Variants in FREM1 observed in about 807,000 individuals in gnomAD.
The protein encoded by FREM1 is FRAS1 related extracellular matrix 1.
A neutral mutation model predicts 210.1 loss-of-function variants in FREM1; 220 were observed. The ratio of observed to expected loss-of-function variants is 1.05; its 90% CI spans 0.94 to 1.17. FREM1 has a LOEUF of 1.17. FREM1 is among the 50% of genes most tolerant of loss of function. FREM1 has a pLI of 0.00. For missense variants in FREM1, 3,454 were observed against 2,675.5 expected (o/e 1.29, Z -6.42); for synonymous variants, 1,189 against 980.2 (o/e 1.21, Z -3.98).
chr9:14,769,624 C>T (rs1033927008), intron 27 of FREM1, 100 bp downstream of exon 27: 190 of 1,239,918 alleles, frequency 1.5e-4, no homozygotes, highest in Non-Finnish European at 2.0e-4. Flanking sequence ...ATTAATTTAT[C>T]TTCTTGGGTT....
At chr9:14,763,110 C>T (rs1166478202) in intron 27 of FREM1, among the ~76,000 whole-genome samples, 1 of 152,158 alleles carries the variant, frequency 6.6e-6, no homozygotes, top group Non-Finnish European at 1.5e-5. Flanking sequence ...ATGTGTAACC[C>T]ATGTGGCAAT....
chr9:14,796,176 G>C (rs1458895526), intron 21 of FREM1, among the ~76,000 whole-genome samples: 3 of 152,300 alleles, frequency 2.0e-5, no homozygotes, highest in South Asian at 4.1e-4. Context: ...AGATAAGGAA[G>C]GGACTTGTTT....
chr9:14,879,521 T>C (rs547868177), intron 1 of FREM1, among the ~76,000 whole-genome samples: 1 of 152,254 alleles, frequency 6.6e-6, no homozygotes, highest in Admixed American at 6.5e-5. Flanking sequence ...TCTACAAGAA[T>C]ACATGAACAA....
intron 1 of FREM1, among the ~76,000 whole-genome samples, chr9:14,889,540 T>C (rs1449422359): frequency 6.6e-6 from 1 of 152,234 alleles, no homozygotes; most frequent in South Asian, 2.1e-4. Context: ...TGGATGGGAA[T>C]CTCAGTTCTG....
At position 14,750,238 on chromosome 9, in the gene FREM1, C is replaced by G; in HGVS notation, c.5446G>C (p.Asp1816His). 1 of 1,612,912 alleles carries G rather than the reference C, an allele frequency of 6.2e-7. No individual in the cohort carries two copies. Among genetic ancestry groups the G allele is most frequent in the South Asian group, 1.1e-5 (1 of 90,952 alleles). ...ACCTCATCATCTTCCTCTAATCCGT[C>G]ATAGGTAATTGCTATATTCCACATC... ...TKMWNIAITY[D>H]GLEEDDEVFE... The change falls in exon 30 of 37, where the codon GAC becomes CAC. Residue 1816 changes from aspartate to histidine, a missense_variant. Coordinates refer to ENST00000380880, the MANE Select transcript of FREM1 (RefSeq NM_001379081.2).
intron 27 of FREM1, among the ~76,000 whole-genome samples, chr9:14,760,489 G>C (rs915103410): frequency 1.3e-5 from 2 of 152,130 alleles, no homozygotes; most frequent in Non-Finnish European, 2.9e-5. Context: ...TATGAGGCTT[G>C]GATGCAACTA....
At chr9:14,859,555 G>A (rs998623350) in intron 3 of FREM1, 71 bp from the exon 4 acceptor site, 3 of 1,328,718 alleles carry the variant, frequency 2.3e-6, no homozygotes, top group Admixed American at 4.4e-5. Flanking sequence ...GTACTCAGCT[G>A]GAAGACTAAA....
At position 14,858,314 on chromosome 9, in the gene FREM1, C is replaced by T. The variant is rs1329292061; in HGVS notation, c.632-565G>A. On this transcript the variant is annotated intron_variant, in intron 4 of 36. Coordinates refer to ENST00000380880, the MANE Select transcript of FREM1 (RefSeq NM_001379081.2). ...TCTCCAACAGTCTTCACATCTCTAA[C>T]CAAATGTATTTCCACTCTTGTTTAG... is the stretch of plus-strand genomic sequence containing the variant. Among the ~76,000 whole-genome samples, 3 of 152,146 alleles carry T rather than the reference C, an allele frequency of 2.0e-5. No homozygotes were observed. In the East Asian group the frequency reaches 5.8e-4, roughly 29 times the overall value.
Position 14,792,734 on chromosome 9 carries a change from G to C in FREM1, c.3981+9C>G, listed in dbSNP as rs771949748. 2 of 1,577,154 alleles carry C rather than the reference G, an allele frequency of 1.3e-6. No individual in the cohort carries two copies. Among genetic ancestry groups the C allele is most frequent in the Non-Finnish European group, 1.7e-6 (2 of 1,164,760 alleles). On this transcript the variant is annotated intron_variant, in intron 22 of 36. Coordinates refer to ENST00000380880, the MANE Select transcript of FREM1 (RefSeq NM_001379081.2). ...TAGTTTTGAAAAATAAAAGTAAGAA[G>C]TCACTAACCTTAAGCTGAAGTTGCC... is the stretch of plus-strand genomic sequence containing the variant.
chr9:14,840,781 T>G (rs915421755), intron 10 of FREM1, among the ~76,000 whole-genome samples: 15 of 152,212 alleles, frequency 9.9e-5, no homozygotes, highest in Non-Finnish European at 5.9e-5. Flanking sequence ...GTCTACTCTA[T>G]TATAGTTGTC....
At chr9:14,861,983 A>T (rs1830682901) in intron 3 of FREM1, among the ~76,000 whole-genome samples, 1 of 151,964 alleles carries the variant, frequency 6.6e-6, no homozygotes, top group Admixed American at 6.6e-5. Context: ...ACTCCCCACT[A>T]CCCTTCCCAC....
intron 1 of FREM1, among the ~76,000 whole-genome samples, chr9:14,877,265 T>C (rs999742440): frequency 6.6e-6 from 1 of 152,044 alleles, no homozygotes; most frequent in Non-Finnish European, 1.5e-5. Flanking sequence ...CACATGCAAC[T>C]GTCTGCTTAT....
At chr9:14,789,221 T>C in intron 22 of FREM1, 107 bp from the exon 23 acceptor site, 1 of 660,970 alleles carries the variant, frequency 1.5e-6, no homozygotes, top group Non-Finnish European at 2.3e-6. Flanking sequence ...ATAAATAATA[T>C]TTCAGGGAAA....
Position 14,748,388 on chromosome 9 carries a change from T to G in FREM1, c.5796+13A>C. The G allele has an allele frequency of 7.0e-7, 1 of 1,430,470 alleles. No individual in the cohort carries two copies. The highest frequency in any genetic ancestry group is 9.9e-7 in the Non-Finnish European group (1 of 1,014,700). 88.6% of individuals were successfully genotyped at this position (1,430,470 alleles called of 1,614,324 possible). On this transcript the variant is annotated intron_variant, in intron 31 of 36. Transcript: ENST00000380880. Reference sequence around the variant, plus strand: ...ATTTTGCACATCATTTCCCAGAAGGTCCCCATCCTTACTGTTTTGCCATTC... The same window carrying G: ...ATTTTGCACATCATTTCCCAGAAGGGCCCCATCCTTACTGTTTTGCCATTC...
chr9:14,835,497 G>GC (rs758187475), intron 10 of FREM1, among the ~76,000 whole-genome samples: 23 of 152,282 alleles, frequency 1.5e-4, no homozygotes, highest in Admixed American at 3.9e-4. Flanking sequence ...GCCAATTAAA[G>GC]CCCCTTAGGG....
At chr9:14,768,806 T>C (rs1846965544) in intron 27 of FREM1, among the ~76,000 whole-genome samples, 1 of 152,200 alleles carries the variant, frequency 6.6e-6, no homozygotes, top group African/African-American at 2.4e-5. Flanking sequence ...TTTCTTAATC[T>C]ATACTCCATC....
intron 1 of FREM1, among the ~76,000 whole-genome samples, chr9:14,882,258 C>T (rs1247748867): frequency 6.6e-6 from 1 of 152,038 alleles, no homozygotes; most frequent in Admixed American, 6.6e-5. Flanking sequence ...ATAGTTCATT[C>T]TCTAATTATA....
intron 23 of FREM1, among the ~76,000 whole-genome samples, chr9:14,785,340 TA>T (rs765259001): frequency 1.3e-5 from 2 of 152,220 alleles, no homozygotes; most frequent in Non-Finnish European, 2.9e-5. Flanking sequence ...GAGAAAATGA[TA>T]AAAGTAAGAA....
At chr9:14,747,573 C>T (rs1842695794) in intron 32 of FREM1, 108 bp downstream of exon 32, 1 of 1,049,900 alleles carries the variant, frequency 9.5e-7, no homozygotes, top group Non-Finnish European at 1.3e-6. Context: ...AATTTCAAAA[C>T]AATTTTTTAA....
Sources: gnomAD v4.1 joint callset for allele counts (sites outside exome capture counted in the v4.1 genomes callset) on GRCh38, gnomAD v4.1.1 for gene constraint, MANE v1.5 for transcripts, NCBI Gene and HGNC (gene_info 2026-07-23, HGNC 2026-07-21) for gene names.